The following INSL6 variants were observed in gnomAD, a reference collection of about 807,000 sequenced individuals.
The protein encoded by INSL6 is insulin like 6.
Under a neutral mutation model 9.4 loss-of-function variants are expected in INSL6, and 16 were observed. That is an observed-to-expected ratio of 1.70 (90% CI 1.15 to 2.59). The LOEUF is 2.59. Among genes scored for constraint, INSL6 ranks in the 30% most tolerant of loss-of-function variants. The pLI is 0.00. For missense variants in INSL6, 391 were observed against 257.3 expected (o/e 1.52, Z -3.56); for synonymous variants, 154 against 96.9 (o/e 1.59, Z -3.46).
chr9:5,011,390 A>G, the INSL6 span, among the ~76,000 whole-genome samples: 10 of 152,130 alleles, frequency 6.6e-5, 1 homozygote, highest in Middle Eastern at 6.8e-3. Context: ...GGGTCTTGCT[A>G]TGTTGCCAGG....
intron 1 of INSL6, among the ~76,000 whole-genome samples, chr9:5,182,314 C>A (rs911270085): frequency 7.9e-5 from 12 of 151,736 alleles, no homozygotes; most frequent in Non-Finnish European, 4.4e-5. Flanking sequence ...AACATATGAA[C>A]AGGAAAGAAT....
the INSL6 span, among the ~76,000 whole-genome samples, chr9:5,068,465 C>G: frequency 4.6e-5 from 7 of 152,154 alleles, no homozygotes; most frequent in Non-Finnish European, 1.0e-4. Context: ...GAGAGGACCT[C>G]TTAGAAACAG....
the INSL6 span, among the ~76,000 whole-genome samples, chr9:4,994,493 T>C: frequency 6.6e-6 from 1 of 152,318 alleles, no homozygotes. Context: ...GGGGCCTAGA[T>C]TGTGAGAATT....
At chr9:4,994,021 G>T in the INSL6 span, among the ~76,000 whole-genome samples, 1 of 152,210 alleles carries the variant, frequency 6.6e-6, no homozygotes, top group Non-Finnish European at 1.5e-5. Context: ...TGTGCCTTGA[G>T]TTGCTAGGAT....
chr9:5,001,548 G>C, the INSL6 span, among the ~76,000 whole-genome samples: 1 of 151,744 alleles, frequency 6.6e-6, no homozygotes, highest in African/African-American at 2.4e-5. Context: ...ACTTGGTGAT[G>C]GTGTTCTGAC....
chr9:5,015,065 C>A, the INSL6 span, among the ~76,000 whole-genome samples: 1 of 152,092 alleles, frequency 6.6e-6, no homozygotes, highest in Non-Finnish European at 1.5e-5. Flanking sequence ...ACTGCTTTTG[C>A]AACATTGTAT....
the INSL6 span, among the ~76,000 whole-genome samples, chr9:5,118,364 T>A: frequency 6.6e-5 from 10 of 152,224 alleles, no homozygotes; most frequent in African/African-American, 2.2e-4. Flanking sequence ...TCACCTATTT[T>A]CTTTGTAACC....
chr9:5,067,148 C>T, the INSL6 span, among the ~76,000 whole-genome samples: 1 of 152,066 alleles, frequency 6.6e-6, no homozygotes, highest in Non-Finnish European at 1.5e-5. Flanking sequence ...AAATCGGAAG[C>T]AAATTTTCTG....
At chr9:5,005,013 C>A in the INSL6 span, among the ~76,000 whole-genome samples, 1 of 145,802 alleles carries the variant, frequency 6.9e-6, no homozygotes, top group Non-Finnish European at 1.5e-5. Flanking sequence ...ACCTCCCAAG[C>A]GCAAGTGATC....
the INSL6 span, among the ~76,000 whole-genome samples, chr9:5,076,852 T>C: frequency 6.6e-6 from 1 of 152,202 alleles, no homozygotes; most frequent in African/African-American, 2.4e-5. Context: ...TATGGAGGTA[T>C]CTGAGAGGCT....
At chr9:5,167,207 C>A (rs1389117059) in intron 1 of INSL6, among the ~76,000 whole-genome samples, 1 of 152,188 alleles carries the variant, frequency 6.6e-6, no homozygotes, top group African/African-American at 2.4e-5. Flanking sequence ...GATTGTGCTA[C>A]CCCTCCCTGA....
chr9:5,108,563 G>A, the INSL6 span: 2 of 151,938 alleles, frequency 1.3e-5, no homozygotes, highest in African/African-American at 4.8e-5. Context: ...GACTTCACCT[G>A]TGACTCCCAA....
At chr9:5,123,100 G>C (rs1823738068), downstream of INSL6, 3 of 1,606,048 alleles carry the variant, frequency 1.9e-6, no homozygotes, top group East Asian at 6.7e-5. Context: ...CATACATTGA[G>C]AAGAGTAAAA....
At chr9:5,069,273 C>G in the INSL6 span, 5 of 1,030,588 alleles carry the variant, frequency 4.9e-6, no homozygotes, top group Admixed American at 1.2e-4. Flanking sequence ...CGTGAAGTAT[C>G]TTCAGTACAT....
chr9:5,119,891 C>T (rs530654831), downstream of INSL6, among the ~76,000 whole-genome samples: 26 of 151,938 alleles, frequency 1.7e-4, no homozygotes, highest in Admixed American at 2.6e-4. Context: ...ATATTTTATA[C>T]AATGAAATGA....
At chr9:5,130,644 T>C (rs1824256152) in intron 3 of INSL6, among the ~76,000 whole-genome samples, 1 of 152,106 alleles carries the variant, frequency 6.6e-6, no homozygotes, top group Admixed American at 6.5e-5. Context: ...AATAAAAAAG[T>C]TTAAGGTCCT....
At chr9:5,111,794 G>T in the INSL6 span, 1 of 422,700 alleles carries the variant, frequency 2.4e-6, no homozygotes, top group Admixed American at 2.7e-5. Flanking sequence ...CTTCTCCTTG[G>T]CCCCCGGAGC....
the INSL6 span, among the ~76,000 whole-genome samples, chr9:5,093,794 T>A: frequency 2.6e-5 from 4 of 152,154 alleles, no homozygotes; most frequent in Non-Finnish European, 5.9e-5. Context: ...CGATGTTGGA[T>A]CAGGACATCC....
At chr9:5,147,188 G>T (rs1368519835) in intron 2 of INSL6, among the ~76,000 whole-genome samples, 3 of 152,034 alleles carry the variant, frequency 2.0e-5, no homozygotes, top group Admixed American at 2.0e-4. Context: ...AGTGATGTGG[G>T]TCAACAATTT....
Sources: gnomAD v4.1 joint callset for allele counts (sites outside exome capture counted in the v4.1 genomes callset) on GRCh38, gnomAD v4.1.1 for gene constraint, MANE v1.5 for transcripts, NCBI Gene and HGNC (gene_info 2026-07-23, HGNC 2026-07-21) for gene names.